Variants in PLAAT5 observed in about 807,000 individuals in gnomAD.
The protein encoded by PLAAT5 is Ca(2+)-independent N-acyltransferase.
Under a neutral mutation model 27.8 loss-of-function variants are expected in PLAAT5, and 27 were observed. The observed-to-expected ratio is 0.97, with a 90% CI of 0.72 to 1.34. The LOEUF is 1.34. PLAAT5 is among the 40% of genes most tolerant of loss of function. The probability of loss-of-function intolerance (pLI) is 0.00; values close to 1 mark genes in which losing one functional copy is unlikely to be tolerated. For synonymous variants in PLAAT5, 125 were observed against 136.1 expected (o/e 0.92, Z 0.57); for missense variants, 368 against 343.8 (o/e 1.07, Z -0.56).
chr11:63,484,676 C>G (rs1193137762), intron 3 of PLAAT5, among the ~76,000 whole-genome samples: 2 of 152,292 alleles, frequency 1.3e-5, no homozygotes, highest in Non-Finnish European at 2.9e-5. Context: ...GACAAACCCA[C>G]AGCCAACATT....
At chr11:63,468,541 C>A in intron 3 of PLAAT5, 76 bp from the exon 4 acceptor site, 1 of 1,096,386 alleles carries the variant, frequency 9.1e-7, no homozygotes, top group Non-Finnish European at 1.4e-6. Context: ...TCAGGGACAG[C>A]TCAGCCTAAA....
chr11:63,481,578 C>T (rs56061107), intron 3 of PLAAT5, among the ~76,000 whole-genome samples: 2,801 of 152,294 alleles, frequency 0.018, 90 homozygotes, highest in African/African-American at 0.064. Context: ...CAGGTGCCCA[C>T]TTAGAGAAAC....
At position 63,469,145 on chromosome 11, in the gene PLAAT5, T is replaced by TGTGAGAGA. The variant is rs377110717; in HGVS notation, c.346-681_346-680insTCTCTCAC. On this transcript the variant is annotated intron_variant, in intron 3 of 5. Transcript: ENST00000540857. Reference sequence around the variant, plus strand: ...GTGTGTGTGTGTGTGTGTGTGTGTGTGAGAGAGAGAGAGAGACAGGTAGAG... The same window carrying TGTGAGAGA: ...GTGTGTGTGTGTGTGTGTGTGTGTGTGTGAGAGAGAGAGAGAGAGAGAGACAGGTAGAG... Among the ~76,000 whole-genome samples, 1,168 of 122,732 alleles carry TGTGAGAGA rather than the reference T, an allele frequency of 9.5e-3. 19 individuals are homozygous for TGTGAGAGA. Among genetic ancestry groups the TGTGAGAGA allele is most frequent in the African/African-American group, 0.032 (1,087 of 33,666 alleles). 80.5% of individuals were successfully genotyped at this position (122,732 alleles called of 152,430 possible).
At chr11:63,487,963 G>A (rs757061021) in intron 3 of PLAAT5, among the ~76,000 whole-genome samples, 12 of 152,178 alleles carry the variant, frequency 7.9e-5, no homozygotes, top group Non-Finnish European at 1.8e-4. Context: ...GGCTAACACA[G>A]TGAAACCCCG....
chr11:63,467,056 TG>T (rs1228516605), intron 4 of PLAAT5, among the ~76,000 whole-genome samples: 3 of 152,240 alleles, frequency 2.0e-5, no homozygotes, highest in Admixed American at 6.5e-5. Context: ...CAAAGCTGGG[TG>T]GGTAGTCATT....
At position 63,485,044 on chromosome 11, in the gene PLAAT5, C is replaced by T. The variant is rs190399092; in HGVS notation, c.345+3827G>A. Among the ~76,000 whole-genome samples the T allele has an allele frequency of 6.7e-5, 10 of 150,200 alleles. No individual in the cohort carries two copies. The East Asian group carries it at 1.9e-3, about 29-fold the overall frequency. The stretch of plus-strand genomic sequence containing the variant: ...AAGAACTCAACCCCTTCTAAAACAG[C>T]TGTAAAAAAAAAAAAATACTTAGGA... On this transcript the variant is annotated intron_variant, in intron 3 of 5. Coordinates refer to ENST00000540857, the MANE Select transcript of PLAAT5 (RefSeq NM_001146729.2).
In PLAAT5 at chr11:63,490,317, G is replaced by A. The variant is rs34004301; in HGVS notation, c.165C>T (p.Phe55=). ...AVPHSEESVG[F]AALVQLPAKQ... ...TGGCTGGGAGCTGGACCAACGCTGC[G>A]AATCCCACGGATTCTTCTAATTCAA... The change falls in exon 2 of 6, where the codon TTC becomes TTT. Residue 55 remains phenylalanine, a synonymous_variant. Transcript: ENST00000540857. 5,106 of 1,614,052 alleles carry A rather than the reference G, an allele frequency of 3.2e-3. 152 individuals carry two copies. The African/African-American group carries it at 0.061, about 19-fold the overall frequency.
chr11:63,468,576 T>C, intron 3 of PLAAT5, 111 bp from the exon 4 acceptor site: 1 of 743,402 alleles, frequency 1.3e-6, no homozygotes. Flanking sequence ...GGTTCATCAC[T>C]TCACAGAAAC....
chr11:63,473,117 CAA>C (rs879881991), intron 3 of PLAAT5, among the ~76,000 whole-genome samples: 4 of 136,576 alleles, frequency 2.9e-5, no homozygotes, highest in Admixed American at 7.3e-5. Flanking sequence ...GACTCTGCCT[CAA>C]AAAAAAAAAA....
At chr11:63,478,894 T>C (rs999205188) in intron 3 of PLAAT5, among the ~76,000 whole-genome samples, 1 of 152,152 alleles carries the variant, frequency 6.6e-6, no homozygotes, top group Non-Finnish European at 1.5e-5. Flanking sequence ...AGCAAGTCCA[T>C]GGTCGAGCTA....
At chr11:63,479,008 C>T (rs1372896767) in intron 3 of PLAAT5, among the ~76,000 whole-genome samples, 4 of 152,202 alleles carry the variant, frequency 2.6e-5, no homozygotes. Context: ...GCTCCCCATA[C>T]CAGGCTTCTC....
chr11:63,477,016 C>T (rs1321359101), intron 3 of PLAAT5, among the ~76,000 whole-genome samples: 1 of 151,946 alleles, frequency 6.6e-6, no homozygotes, highest in Non-Finnish European at 1.5e-5. Context: ...GTTTTTCAAC[C>T]CCAGTATTTT....
intron 3 of PLAAT5, among the ~76,000 whole-genome samples, chr11:63,483,779 AAAAAAATATATATATATATATGT>A (rs2016342917): frequency 1.0e-5 from 1 of 97,486 alleles, no homozygotes; most frequent in African/African-American, 5.6e-5. Flanking sequence ...TTGAAGCAAA[AAAAAAATATATATATATATATGT>A]ATATATATAT....
In PLAAT5 at chr11:63,491,069, G is replaced by A; in HGVS notation, c.-35C>T. On this transcript the variant is annotated 5_prime_UTR_variant, in exon 1 of 6. Coordinates refer to ENST00000540857, the MANE Select transcript of PLAAT5 (RefSeq NM_001146729.2). The stretch of plus-strand genomic sequence containing the variant: ...GCGGCCTCGCCGGCCCCCAGGCCTT[G>A]CAGGGGACTACGCCCCTGGCGAGTT... 4 of 1,407,094 alleles carry A rather than the reference G, an allele frequency of 2.8e-6. No homozygotes were observed. Among genetic ancestry groups the A allele is most frequent in the Non-Finnish European group, 3.7e-6 (4 of 1,082,710 alleles). The allele number at this position is 1,407,094 out of a possible 1,614,324, so 87.2% of individuals were successfully genotyped here. A position where few individuals can be genotyped will look rare whatever the true frequency, so the allele number is the denominator to read the frequency against.
intron 1 of PLAAT5, 30 bp from the exon 2 acceptor site, chr11:63,490,363 C>T: frequency 6.2e-7 from 1 of 1,614,038 alleles, no homozygotes; most frequent in Non-Finnish European, 8.5e-7. Context: ...GCTATTTAGA[C>T]CTGTGAAAGG....
intron 5 of PLAAT5, among the ~76,000 whole-genome samples, 176 bp downstream of exon 5, chr11:63,465,934 T>G (rs2015849106): frequency 6.6e-6 from 1 of 152,190 alleles, no homozygotes; most frequent in Non-Finnish European, 1.5e-5. Context: ...TACTCCTCCC[T>G]GGGTTAATAA....
chr11:63,466,130 C>T lies in PLAAT5; in HGVS notation c.697G>A (p.Gly233Ser), dbSNP rs1309301758. The T allele has an allele frequency of 1.9e-6, 3 of 1,614,074 alleles. No individual in the cohort carries two copies. The highest frequency in any genetic ancestry group is 1.3e-5 in the African/African-American group (1 of 75,040). ...CEHFVNGLRY[G>S]VPRSQQVEHA... ...CACACCTGCTGGCTCCGGGGTACGC[C>T]ATATCTGAGGCCATTGACAAAGTGC... is the stretch of plus-strand genomic sequence containing the variant. The change falls in exon 5 of 6, where the codon GGC (glycine) becomes AGC (serine). Residue 233 changes from glycine (G) to serine (S), a missense_variant. Coordinates refer to ENST00000540857, the MANE Select transcript of PLAAT5 (RefSeq NM_001146729.2).
Position 63,465,371 on chromosome 11 carries a change from AGTGTGTGTGTGTGT to A in PLAAT5, c.717+725_717+738del, listed in dbSNP as rs58014474. 2.4e-3 allele frequency among the ~76,000 whole-genome samples: 353 copies of A among 145,372 alleles called. 2 individuals carry two copies. Among genetic ancestry groups the A allele is most frequent in the African/African-American group, 8.0e-3 (313 of 39,248 alleles). ...ATATTGGCAAGTAATTCAAACAAAA[AGTGTGTGTGTGTGT>A]GTGTGTGTGTGTGTGTGTGTGTGTG... is the stretch of plus-strand genomic sequence containing the variant. On this transcript the variant is annotated intron_variant, in intron 5 of 5. Coordinates refer to ENST00000540857, the MANE Select transcript of PLAAT5 (RefSeq NM_001146729.2).
At chr11:63,467,849 G>T (rs748608557) in intron 4 of PLAAT5, among the ~76,000 whole-genome samples, 6 of 152,214 alleles carry the variant, frequency 3.9e-5, no homozygotes, top group Non-Finnish European at 5.9e-5. Flanking sequence ...TGTGAGAAAT[G>T]AAAAGAGGGC....
Sources: allele counts gnomAD v4.1 joint callset (sites outside exome capture counted in the v4.1 genomes callset), GRCh38; gene constraint gnomAD v4.1.1; transcripts MANE v1.5; gene names NCBI Gene and HGNC (gene_info 2026-07-23, HGNC 2026-07-21).